The following KANK1 variants were observed in gnomAD, a reference collection of about 807,000 sequenced individuals.
The protein encoded by KANK1 is KN motif and ankyrin repeat domain-containing protein 1.
KANK1 carries 109 observed loss-of-function variants against 106.2 expected under a neutral mutation model. That is an observed-to-expected ratio of 1.03 (90% CI 0.88 to 1.20). The LOEUF (loss-of-function observed/expected upper bound fraction) is 1.20. Among genes scored for constraint, KANK1 ranks in the 50% most tolerant of loss-of-function variants. KANK1 has a pLI of 0.00. For missense variants in KANK1, 2,399 were observed against 1,710.7 expected (o/e 1.40, Z -7.10); for synonymous variants, 873 against 652.2 (o/e 1.34, Z -5.16).
intron 2 of KANK1, among the ~76,000 whole-genome samples, chr9:682,991 G>A (rs1464387452): frequency 6.6e-6 from 1 of 152,134 alleles, no homozygotes; most frequent in South Asian, 2.1e-4. Flanking sequence ...CCTGATAGCA[G>A]GAATTACGTG....
chr9:623,252 T>C (rs1246728495), intron 1 of KANK1, among the ~76,000 whole-genome samples: 1 of 151,794 alleles, frequency 6.6e-6, no homozygotes, highest in Non-Finnish European at 1.5e-5. Context: ...AGGACCTTAA[T>C]AGACACTTTT....
intron 1 of KANK1, among the ~76,000 whole-genome samples, chr9:620,951 A>G (rs937505605): frequency 2.0e-5 from 3 of 152,200 alleles, no homozygotes; most frequent in South Asian, 2.1e-4. Flanking sequence ...GAAATTAGTC[A>G]TCATTTGATT....
chr9:489,344 A>G (rs915245204), intron 3 of KANK1, among the ~76,000 whole-genome samples: 3 of 152,152 alleles, frequency 2.0e-5, no homozygotes, highest in Non-Finnish European at 4.4e-5. Context: ...AACAATCTCC[A>G]AGGTCCCTTC....
At chr9:510,679 T>G (rs753435474) in intron 1 of KANK1, among the ~76,000 whole-genome samples, 1 of 152,198 alleles carries the variant, frequency 6.6e-6, no homozygotes, top group Non-Finnish European at 1.5e-5. Flanking sequence ...CTATTCTTTT[T>G]CTGGAAGATA....
chr9:636,298 C>A (rs1238403729), intron 1 of KANK1, among the ~76,000 whole-genome samples: 1 of 152,170 alleles, frequency 6.6e-6, no homozygotes, highest in African/African-American at 2.4e-5. Flanking sequence ...CTTTTCAGAG[C>A]TCTTATCCAG....
At position 493,192 on chromosome 9, in the gene KANK1, C is replaced by T. The variant is rs562757817; in HGVS notation, c.-362+19919C>T. Among the ~76,000 whole-genome samples, 13 of 150,372 alleles carry T rather than the reference C, an allele frequency of 8.6e-5. No homozygotes were observed. The South Asian group carries it at 1.1e-3, about 12-fold the overall frequency. ...GTGATGGTATGTCACTTCTGAGATTCGGTTATAAAAGACATTGCAGCCACC... is the reference window on the plus strand; with the variant it reads ...GTGATGGTATGTCACTTCTGAGATTTGGTTATAAAAGACATTGCAGCCACC... On this transcript the variant is annotated intron_variant, in intron 3 of 15. Coordinates refer to the KANK1 transcript ENST00000382303.
intron 1 of KANK1, among the ~76,000 whole-genome samples, chr9:526,977 G>C (rs2133377875): frequency 6.6e-6 from 1 of 151,664 alleles, no homozygotes; most frequent in African/African-American, 2.4e-5. Context: ...GTATTATTTA[G>C]ACTGGAAATA....
intron 2 of KANK1, among the ~76,000 whole-genome samples, chr9:690,576 G>C (rs12379058): frequency 6.6e-5 from 10 of 152,118 alleles, no homozygotes; most frequent in Non-Finnish European, 1.2e-4. Flanking sequence ...GGTGGGGAAA[G>C]ATGAGGGCAG....
upstream of KANK1, among the ~76,000 whole-genome samples, chr9:503,797 C>T (rs1265696518): frequency 6.6e-6 from 1 of 152,216 alleles, no homozygotes; most frequent in Non-Finnish European, 1.5e-5. Context: ...TTCTCAATCC[C>T]TACTAATTTC....
chr9:576,190 C>T (rs549807998), intron 1 of KANK1, among the ~76,000 whole-genome samples: 1 of 152,310 alleles, frequency 6.6e-6, no homozygotes, highest in African/African-American at 2.4e-5. Flanking sequence ...TTACAAAGCC[C>T]TCCACATACT....
intron 3 of KANK1, among the ~76,000 whole-genome samples, chr9:716,052 A>G (rs1827611047): frequency 1.3e-5 from 2 of 152,214 alleles, no homozygotes; most frequent in Non-Finnish European, 2.9e-5. Context: ...ATAGAAGGGT[A>G]TTCATCTCAA....
At chr9:521,180 G>T (rs983690091) in intron 1 of KANK1, among the ~76,000 whole-genome samples, 1 of 151,784 alleles carries the variant, frequency 6.6e-6, no homozygotes, top group Non-Finnish European at 1.5e-5. Context: ...ATACATTGCT[G>T]TGAGGAACAG....
chr9:660,858 A>G (rs72691361), intron 1 of KANK1, among the ~76,000 whole-genome samples: 3,049 of 152,282 alleles, frequency 0.02, 115 homozygotes, highest in African/African-American at 0.07. Flanking sequence ...TAGCGAGGTG[A>G]TAGGACATCT....
intron 1 of KANK1, among the ~76,000 whole-genome samples, chr9:643,833 G>C (rs1839058377): frequency 6.6e-6 from 1 of 150,556 alleles, no homozygotes; most frequent in African/African-American, 2.5e-5. Flanking sequence ...CTCCTGAGTA[G>C]CTGGGATTAC....
chr9:605,424 C>T (rs1319468348), intron 1 of KANK1, among the ~76,000 whole-genome samples: 4 of 151,582 alleles, frequency 2.6e-5, no homozygotes, highest in Non-Finnish European at 4.4e-5. Context: ...CTAAAACAGG[C>T]AGAGAGCATC....
At chr9:657,177 T>C (rs1174687169) in intron 1 of KANK1, among the ~76,000 whole-genome samples, 1 of 152,232 alleles carries the variant, frequency 6.6e-6, no homozygotes, top group East Asian at 1.9e-4. Flanking sequence ...GTTTCCATTC[T>C]ATTCATGTTG....
chr9:710,957 A>G lies in KANK1; in HGVS notation c.191A>G (p.Gln64Arg), dbSNP rs371506094. 6.2e-6 allele frequency: 10 copies of G among 1,614,106 alleles called. No individual in the cohort carries two copies. The highest frequency in any genetic ancestry group is 8.5e-6 in the Non-Finnish European group (10 of 1,180,050). Residue 64 changes from glutamine (Q) to arginine (R), a missense_variant, in exon 3 of 12, where the codon CAG becomes CGG. Physicochemically the swap from Gln to Arg is conservative, Grantham distance 43. Coordinates refer to ENST00000382297, the MANE Select transcript of KANK1 (RefSeq NM_015158.5). ...AATACCATCAAAAGACTGAACATCC[A>G]GAAGAGGCGGAAGCCGTCCGTGCCA... ...KGNTIKRLNI[Q>R]KRRKPSVPCP...
intron 2 of KANK1, chr9:706,987 C>A (rs1445346205): frequency 1.0e-6 from 1 of 985,328 alleles, no homozygotes; most frequent in African/African-American, 1.7e-5. Context: ...TCAGAAGATA[C>A]CGGTTTCCTG....
chr9:561,379 A>C (rs1387123362), intron 1 of KANK1, among the ~76,000 whole-genome samples: 1 of 152,238 alleles, frequency 6.6e-6, no homozygotes, highest in African/African-American at 2.4e-5. Context: ...TAATGGCTAC[A>C]TAGCATCTCT....
Sources: allele counts gnomAD v4.1 joint callset (sites outside exome capture counted in the v4.1 genomes callset), GRCh38; gene constraint gnomAD v4.1.1; transcripts MANE v1.5; gene names NCBI Gene and HGNC (gene_info 2026-07-23, HGNC 2026-07-21).